The following SCN9A variants were observed in gnomAD, a reference collection of about 807,000 sequenced individuals.
SCN9A encodes sodium channel protein type 9 subunit alpha.
Under a neutral mutation model 187.0 loss-of-function variants are expected in SCN9A, and 131 were observed. The ratio of observed to expected loss-of-function variants is 0.70; its 90% CI spans 0.61 to 0.81. The LOEUF is 0.81. SCN9A is among the 30% of genes least tolerant of loss of function. The pLI, the probability that SCN9A is intolerant of heterozygous loss-of-function variation, is 0.00. For missense variants in SCN9A, 2,252 were observed against 2,396.6 expected, an observed-to-expected ratio of 0.94 and a Z score of 1.26; for synonymous variants, 809 against 808.6, an observed-to-expected ratio of 1.00 and a Z score of -0.01.
chr2:166,273,445 G>A (rs1697092079), intron 16 of SCN9A, among the ~76,000 whole-genome samples: 1 of 129,072 alleles, frequency 7.7e-6, no homozygotes, highest in Non-Finnish European at 1.8e-5. Flanking sequence ...ACTGCTTAAT[G>A]TGACTTTTAA....
At chr2:166,318,265 G>C (rs1197547929) in intron 1 of SCN9A, among the ~76,000 whole-genome samples, 1 of 152,032 alleles carries the variant, frequency 6.6e-6, no homozygotes, top group Non-Finnish European at 1.5e-5. Context: ...CTGCCTGTCA[G>C]TACACCATAC....
intron 9 of SCN9A, among the ~76,000 whole-genome samples, chr2:166,289,995 C>A (rs779486442): frequency 6.6e-6 from 1 of 152,104 alleles, no homozygotes; most frequent in Non-Finnish European, 1.5e-5. Context: ...GTTTGCTCCA[C>A]CTATCAACCC....
intron 17 of SCN9A, among the ~76,000 whole-genome samples, chr2:166,260,645 GT>G (rs1274552635): frequency 1.3e-5 from 2 of 151,854 alleles, no homozygotes; most frequent in East Asian, 3.9e-4. Context: ...TTTTAGTGTG[GT>G]TTTTGGGGGA....
intron 16 of SCN9A, among the ~76,000 whole-genome samples, chr2:166,275,919 G>C (rs745781872): frequency 1.3e-5 from 2 of 152,102 alleles, no homozygotes; most frequent in Non-Finnish European, 2.9e-5. Context: ...TGGTTACAAG[G>C]ACAACAATAT....
intron 17 of SCN9A, among the ~76,000 whole-genome samples, chr2:166,270,779 AT>A (rs1426116846): frequency 6.7e-6 from 1 of 148,184 alleles, no homozygotes; most frequent in African/African-American, 2.5e-5. Flanking sequence ...ATATATATAT[AT>A]ATCAGTCATG....
intron 7 of SCN9A, among the ~76,000 whole-genome samples, chr2:166,297,220 A>AAAAAAAAAAAAAAAAAAAAAAAAC (rs1698352237): frequency 6.9e-6 from 1 of 144,794 alleles, no homozygotes; most frequent in African/African-American, 2.6e-5. Flanking sequence ...AAAAAAAAAA[A>AAAAAAAAAAAAAAAAAAAAAAAAC]AAAAAAAGAA....
intron 1 of SCN9A, among the ~76,000 whole-genome samples, chr2:166,363,678 A>T (rs887558227): frequency 3.3e-5 from 5 of 152,096 alleles, no homozygotes; most frequent in African/African-American, 1.2e-4. Flanking sequence ...TCTACGAATT[A>T]TATAGGAATT....
chr2:166,241,749 A>G (rs930165767), intron 19 of SCN9A, among the ~76,000 whole-genome samples: 5 of 152,106 alleles, frequency 3.3e-5, no homozygotes, highest in Non-Finnish European at 7.4e-5. Flanking sequence ...TCCAAGCTCT[A>G]CAGTTACTCA....
intron 17 of SCN9A, among the ~76,000 whole-genome samples, chr2:166,255,448 G>A (rs1285999587): frequency 2.0e-5 from 3 of 147,632 alleles, no homozygotes; most frequent in Admixed American, 6.9e-5. Flanking sequence ...AACGATGTAA[G>A]CCTATTTCAT....
At chr2:166,350,995 A>T (rs1185900142) in intron 1 of SCN9A, among the ~76,000 whole-genome samples, 1 of 152,154 alleles carries the variant, frequency 6.6e-6, no homozygotes, top group Admixed American at 6.6e-5. Context: ...GCTTTTTCAG[A>T]GTGCTAAGAG....
chr2:166,257,272 T>C (rs926194911), intron 17 of SCN9A, among the ~76,000 whole-genome samples: 14 of 151,580 alleles, frequency 9.2e-5, no homozygotes, highest in African/African-American at 3.4e-4. Context: ...ATTGGAACCT[T>C]AGCAAACATA....
In SCN9A at chr2:166,350,264, A is replaced by C. The variant is rs1700003638; in HGVS notation, c.-51+25433T>G. On this transcript the variant is annotated intron_variant, in intron 1 of 26. Coordinates refer to ENST00000642356, the MANE Select transcript of SCN9A (RefSeq NM_001365536.1). ...TGTAAGGAGAGAGATTATCAGAAAA[A>C]CTATGGGGATGCCCCTCCAGGAATT... is the stretch of plus-strand genomic sequence containing the variant. 2.0e-5 allele frequency among the ~76,000 whole-genome samples: 3 copies of C among 152,172 alleles called. No individual in the cohort carries two copies. The South Asian group carries it at 6.2e-4, about 32-fold the overall frequency.
intron 24 of SCN9A, among the ~76,000 whole-genome samples, chr2:166,210,704 T>C (rs1694051152): frequency 6.6e-6 from 1 of 151,886 alleles, no homozygotes; most frequent in South Asian, 2.1e-4. Flanking sequence ...ATGTTCAAAT[T>C]TGGGGAGAGA....
At chr2:166,293,703 T>C (rs541623388) in intron 8 of SCN9A, among the ~76,000 whole-genome samples, 1 of 152,332 alleles carries the variant, frequency 6.6e-6, no homozygotes, top group Non-Finnish European at 1.5e-5. Context: ...ATCATCATCA[T>C]TAAAACATGG....
intron 1 of SCN9A, among the ~76,000 whole-genome samples, chr2:166,342,111 T>C (rs1699800445): frequency 6.6e-6 from 1 of 152,308 alleles, no homozygotes; most frequent in South Asian, 2.1e-4. Context: ...TATTATACCT[T>C]ATATTTGAGA....
intron 17 of SCN9A, among the ~76,000 whole-genome samples, chr2:166,262,705 T>C (rs568821179): frequency 1.3e-5 from 2 of 152,104 alleles, no homozygotes; most frequent in East Asian, 3.9e-4. Flanking sequence ...AACCAAATCT[T>C]TTCTTAATCT....
intron 24 of SCN9A, among the ~76,000 whole-genome samples, chr2:166,218,660 C>A (rs577653648): frequency 1.3e-5 from 2 of 151,874 alleles, no homozygotes; most frequent in African/African-American, 4.8e-5. Context: ...TAGGCATGGG[C>A]AAAGATTTCA....
intron 24 of SCN9A, 41 bp from the exon 25 acceptor site, chr2:166,204,505 A>G: frequency 7.9e-7 from 1 of 1,261,530 alleles, no homozygotes; most frequent in Middle Eastern, 2.8e-4. Context: ...TAAAACCAGA[A>G]TCATTGTCTA....
chr2:166,222,976 C>CAAA (rs1694686070), intron 24 of SCN9A, among the ~76,000 whole-genome samples: 4 of 59,490 alleles, frequency 6.7e-5, no homozygotes, highest in African/African-American at 1.3e-4. Context: ...AAAAAAACAG[C>CAAA]AACAAAAAAC....
Sources: gnomAD v4.1 joint callset for allele counts (sites outside exome capture counted in the v4.1 genomes callset) on GRCh38, gnomAD v4.1.1 for gene constraint, MANE v1.5 for transcripts, NCBI Gene and HGNC (gene_info 2026-07-23, HGNC 2026-07-21) for gene names.